The following RNF38 variants were observed in gnomAD, a reference collection of about 807,000 sequenced individuals.
RNF38 encodes E3 ubiquitin-protein ligase RNF38.
RNF38 carries 15 observed loss-of-function variants against 67.2 expected under a neutral mutation model. The observed-to-expected ratio is 0.22, with a 90% CI of 0.15 to 0.34. RNF38 has a LOEUF of 0.34. Ranked by LOEUF, RNF38 falls within the 10% of genes least tolerant of loss-of-function variation. The pLI is 1.00. For synonymous variants in RNF38, 220 were observed against 218.8 expected, an observed-to-expected ratio of 1.01 and a Z score of -0.05; for missense variants, 524 against 639.9, an observed-to-expected ratio of 0.82 and a Z score of 1.95.
At chr9:36,392,750 G>A (rs1235805299) in intron 1 of RNF38, among the ~76,000 whole-genome samples, 2 of 152,064 alleles carry the variant, frequency 1.3e-5, no homozygotes, top group African/African-American at 2.4e-5. Context: ...GGTCAACATG[G>A]TGAGACAATT....
At chr9:36,419,497 T>C (rs1248795470) in intron 2 of RNF38, among the ~76,000 whole-genome samples, 1 of 152,226 alleles carries the variant, frequency 6.6e-6, no homozygotes, top group East Asian at 1.9e-4. Flanking sequence ...AAAAAATATA[T>C]AATTGAGGCT....
At chr9:36,397,105 T>G (rs1040272553) in intron 1 of RNF38, among the ~76,000 whole-genome samples, 53 of 40,014 alleles carry the variant, frequency 1.3e-3, no homozygotes, top group African/African-American at 6.0e-3. Flanking sequence ...ATATGTTTTG[T>G]TTTTTTTTTT....
At chr9:36,470,751 C>T (rs1839977108) in intron 1 of RNF38, among the ~76,000 whole-genome samples, 1 of 152,116 alleles carries the variant, frequency 6.6e-6, no homozygotes, top group African/African-American at 2.4e-5. Context: ...ACAAGGACAC[C>T]TTCACCAACA....
rs60691553 is a variant in RNF38 at position 36,446,810 on chromosome 9, GAAAAAAAA to G, written n.242-22135_242-22128del. Among the ~76,000 whole-genome samples the G allele has an allele frequency of 6.2e-3, 176 of 28,214 alleles. 1 individual carries two copies. Among genetic ancestry groups the G allele is most frequent in the African/African-American group, 0.013 (103 of 7,710 alleles). The allele number at this position is 28,214 out of a possible 152,430, so 18.5% of individuals were successfully genotyped here. On this transcript the variant is annotated intron_variant and non_coding_transcript_variant, in intron 1 of 3. Transcript: ENST00000488058. ...GCGACAGAGTGAGACTCCGCCTCAA[GAAAAAAAA>G]AAAAAAAAAAAAAAAAAAAAAGTCA...
chr9:36,401,087 C>A, upstream of RNF38: 1 of 985,140 alleles, frequency 1.0e-6, no homozygotes, highest in Non-Finnish European at 1.2e-6. Context: ...CGTCCCCTCG[C>A]CAGCACAAAC....
chr9:36,457,683 G>A (rs755028546), intron 1 of RNF38, among the ~76,000 whole-genome samples: 3 of 152,098 alleles, frequency 2.0e-5, no homozygotes, highest in Non-Finnish European at 4.4e-5. Context: ...TGAGGCAGGT[G>A]GATCACTTGA....
intron 9 of RNF38, among the ~76,000 whole-genome samples, chr9:36,347,689 C>T (rs1833375030): frequency 6.6e-6 from 1 of 152,176 alleles, no homozygotes; most frequent in Non-Finnish European, 1.5e-5. Flanking sequence ...GTCTCTGAGA[C>T]ACAACAATAT....
chr9:36,394,492 G>C lies in RNF38; in HGVS notation c.13-3876C>G, dbSNP rs921233222. Among the ~76,000 whole-genome samples the C allele has an allele frequency of 2.0e-5, 3 of 152,300 alleles. No individual in the cohort carries two copies. The East Asian group carries it at 5.8e-4, about 29-fold the overall frequency. ...CCACAGTGAAAAAGTTTCTTCTCCA[G>C]AATTTTGGCTACACTGATTTGATTA... is the stretch of plus-strand genomic sequence containing the variant. On this transcript the variant is annotated intron_variant, in intron 1 of 11. Transcript: ENST00000259605.
At position 36,357,877 on chromosome 9, in the gene RNF38, G is replaced by C. The variant is rs1296737123; in HGVS notation, c.636C>G (p.Leu212=). The change falls in exon 5 of 12, where the codon CTC becomes CTG. Residue 212 remains leucine, a synonymous_variant. Coordinates refer to ENST00000259605, the MANE Select transcript of RNF38 (RefSeq NM_022781.5). ...AAGCAGGGATGTGCTGGCCTGTGCA[G>C]AGTGGAATCCCATGTGGTGCCACTG... ...VTTVAPHGIP[L]CTGQHIPACS... 6.2e-7 allele frequency: 1 copy of C among 1,613,946 alleles called. No homozygotes were observed. Among genetic ancestry groups the C allele is most frequent in the East Asian group, 2.2e-5 (1 of 44,876 alleles).
chr9:36,369,779 C>T lies in RNF38; in HGVS notation c.510G>A (p.Leu170=). ...GGGGTGGATGAGCAGCAGGATGTAG[C>T]AGACGGGGAGATACATTCGGAGGGT... ...AFHPPNVSPR[L]LHPAAHPPQQ... The change falls in exon 4 of 12, where the codon CTG becomes CTA. Residue 170 remains leucine (L), a synonymous_variant. Coordinates refer to ENST00000259605, the MANE Select transcript of RNF38 (RefSeq NM_022781.5). 1.2e-6 allele frequency: 2 copies of T among 1,613,972 alleles called. No individual in the cohort carries two copies. Among genetic ancestry groups the T allele is most frequent in the Non-Finnish European group, 1.7e-6 (2 of 1,180,000 alleles).
chr9:36,412,651 T>C (rs751472550), intron 2 of RNF38, among the ~76,000 whole-genome samples: 3 of 152,208 alleles, frequency 2.0e-5, no homozygotes, highest in Non-Finnish European at 2.9e-5. Flanking sequence ...TAAAAGAACA[T>C]GGCACTGGCT....
intron 10 of RNF38, among the ~76,000 whole-genome samples, chr9:36,342,932 GA>G (rs1385299394): frequency 1.3e-5 from 2 of 152,162 alleles, no homozygotes; most frequent in Non-Finnish European, 2.9e-5. Context: ...GAGGGGGATT[GA>G]TTTCTAGGAC....
upstream of RNF38, among the ~76,000 whole-genome samples, chr9:36,404,605 T>C (rs896111881): frequency 1.3e-5 from 2 of 152,256 alleles, no homozygotes; most frequent in African/African-American, 4.8e-5. Context: ...TAATGCTTTA[T>C]AGTTTTCTAT....
intron 2 of RNF38, among the ~76,000 whole-genome samples, chr9:36,386,372 T>C (rs1017878479): frequency 3.3e-5 from 5 of 152,212 alleles, no homozygotes; most frequent in African/African-American, 1.2e-4. Context: ...GGCTAGAAAT[T>C]TCATTAAGTC....
intron 1 of RNF38, among the ~76,000 whole-genome samples, chr9:36,447,684 T>A (rs542574271): frequency 3.3e-5 from 5 of 152,278 alleles, no homozygotes; most frequent in African/African-American, 1.2e-4. Context: ...GGATACTTGG[T>A]ACAGTATTCA....
At chr9:36,467,766 T>A (rs1459462003) in intron 1 of RNF38, among the ~76,000 whole-genome samples, 1 of 152,184 alleles carries the variant, frequency 6.6e-6, no homozygotes, top group Non-Finnish European at 1.5e-5. Context: ...TTACCACCTC[T>A]GGGATTATAG....
chr9:36,442,107 A>T (rs16933310), intron 1 of RNF38, among the ~76,000 whole-genome samples: 1,667 of 152,244 alleles, frequency 0.011, 28 homozygotes, highest in African/African-American at 0.038. Context: ...TCCATCAGGC[A>T]TTCCAATCTT....
At chr9:36,428,522 T>C (rs1175946066) in intron 1 of RNF38, among the ~76,000 whole-genome samples, 4 of 152,058 alleles carry the variant, frequency 2.6e-5, no homozygotes, top group Non-Finnish European at 5.9e-5. Flanking sequence ...CACATGTTTT[T>C]AGAGTCAGAG....
chr9:36,379,822 C>T (rs186417487), intron 2 of RNF38, among the ~76,000 whole-genome samples: 41 of 152,222 alleles, frequency 2.7e-4, no homozygotes, highest in Admixed American at 2.7e-3. Flanking sequence ...AAGCAGACAG[C>T]TCTGTCATTA....
Sources: gnomAD v4.1 joint callset for allele counts (sites outside exome capture counted in the v4.1 genomes callset) on GRCh38, gnomAD v4.1.1 for gene constraint, MANE v1.5 for transcripts, NCBI Gene and HGNC (gene_info 2026-07-23, HGNC 2026-07-21) for gene names.